Variants in SYT9 observed in about 807,000 individuals in gnomAD.
SYT9 encodes synaptotagmin 9.
Under a neutral mutation model 48.4 loss-of-function variants are expected in SYT9, and 22 were observed. That is an observed-to-expected ratio of 0.45 (90% CI 0.32 to 0.65). SYT9 has a LOEUF of 0.65. Among genes scored for constraint, SYT9 ranks in the 30% least tolerant of loss-of-function variants. The pLI, the probability that SYT9 is intolerant of heterozygous loss-of-function variation, is 0.03. For missense variants in SYT9, 577 were observed against 622.0 expected (o/e 0.93, Z 0.77); for synonymous variants, 265 against 245.0 (o/e 1.08, Z -0.76).
intron 3 of SYT9, among the ~76,000 whole-genome samples, chr11:7,400,125 C>A (rs943656941): frequency 5.3e-5 from 8 of 152,204 alleles, no homozygotes; most frequent in African/African-American, 1.7e-4. Context: ...AAAACACTTT[C>A]TTGCACAGCA....
intron 3 of SYT9, among the ~76,000 whole-genome samples, chr11:7,408,233 A>G (rs1031159710): frequency 3.9e-5 from 6 of 152,142 alleles, no homozygotes; most frequent in Admixed American, 6.5e-5. Context: ...GGTTCAAGCA[A>G]TTCTCCTGCC....
intron 3 of SYT9, among the ~76,000 whole-genome samples, chr11:7,348,504 A>C (rs1299113510): frequency 6.6e-6 from 1 of 152,052 alleles, no homozygotes; most frequent in Non-Finnish European, 1.5e-5. Context: ...CTTCACGTTT[A>C]ATGGAGGAAG....
At chr11:7,412,261 C>A (rs1847150719) in intron 3 of SYT9, among the ~76,000 whole-genome samples, 1 of 152,038 alleles carries the variant, frequency 6.6e-6, no homozygotes, top group African/African-American at 2.4e-5. Flanking sequence ...TTCATGTTTC[C>A]TGTGTCCTTA....
chr11:7,328,552 C>A (rs1393160170), intron 3 of SYT9, among the ~76,000 whole-genome samples: 2 of 152,100 alleles, frequency 1.3e-5, no homozygotes, highest in East Asian at 3.8e-4. Context: ...CCAGTTACCT[C>A]CATTCCAGAT....
At chr11:7,336,836 C>A (rs754963845) in intron 3 of SYT9, among the ~76,000 whole-genome samples, 1 of 152,036 alleles carries the variant, frequency 6.6e-6, no homozygotes, top group Non-Finnish European at 1.5e-5. Context: ...TATTCGAGCT[C>A]TTTTTGGTTC....
chr11:7,263,982 A>G (rs1469298589), intron 1 of SYT9, among the ~76,000 whole-genome samples: 1 of 152,136 alleles, frequency 6.6e-6, no homozygotes, highest in Non-Finnish European at 1.5e-5. Flanking sequence ...GATGTAGAGG[A>G]TTAAACTGCT....
chr11:7,251,023 T>C (rs575762167), upstream of SYT9, among the ~76,000 whole-genome samples: 10 of 152,132 alleles, frequency 6.6e-5, no homozygotes, highest in Non-Finnish European at 1.3e-4. Context: ...AAAATGAGGA[T>C]AACAATTACA....
chr11:7,370,656 T>G (rs980279053), intron 3 of SYT9, among the ~76,000 whole-genome samples: 27 of 152,218 alleles, frequency 1.8e-4, no homozygotes, highest in African/African-American at 6.0e-4. Context: ...AGAAAACACA[T>G]GCACAAGGAA....
chr11:7,322,774 G>T (rs553181290), intron 3 of SYT9, among the ~76,000 whole-genome samples: 1 of 152,198 alleles, frequency 6.6e-6, no homozygotes, highest in South Asian at 2.1e-4. Context: ...AACATTATCA[G>T]TCTCTTTGAA....
intron 1 of SYT9, among the ~76,000 whole-genome samples, chr11:7,268,885 T>C (rs1331019460): frequency 6.6e-6 from 1 of 152,098 alleles, no homozygotes; most frequent in Non-Finnish European, 1.5e-5. Flanking sequence ...ATCCATTCTC[T>C]GTTAATCCCT....
At chr11:7,268,447 TA>T (rs1295701177) in intron 1 of SYT9, among the ~76,000 whole-genome samples, 1 of 151,870 alleles carries the variant, frequency 6.6e-6, no homozygotes, top group African/African-American at 2.4e-5. Flanking sequence ...AAGACAATAG[TA>T]AAAAAATCTT....
chr11:7,378,572 G>C (rs1218748366), intron 3 of SYT9, among the ~76,000 whole-genome samples: 2 of 151,788 alleles, frequency 1.3e-5, no homozygotes, highest in Non-Finnish European at 2.9e-5. Context: ...GATGGAGATG[G>C]AAGAGGGATG....
At chr11:7,354,713 C>G (rs898249341) in intron 3 of SYT9, among the ~76,000 whole-genome samples, 1 of 152,092 alleles carries the variant, frequency 6.6e-6, no homozygotes, top group Non-Finnish European at 1.5e-5. Flanking sequence ...CAAGAAGCTT[C>G]TTATGTACTG....
At chr11:7,291,371 C>T (rs1362706432) in intron 1 of SYT9, among the ~76,000 whole-genome samples, 3 of 152,126 alleles carry the variant, frequency 2.0e-5, no homozygotes, top group Non-Finnish European at 4.4e-5. Context: ...CTCTAAAGGG[C>T]AGCACATATA....
chr11:7,277,705 A>G lies in SYT9; in HGVS notation c.146-25334A>G, dbSNP rs571606281. On this transcript the variant is annotated intron_variant, in intron 1 of 6. Coordinates refer to ENST00000318881, the MANE Select transcript of SYT9 (RefSeq NM_175733.4). ...GAAACTTAATGCTCTTTCCCTCAGC[A>G]TGCATGTAGGATCTGAATTTTCACT... is the stretch of plus-strand genomic sequence containing the variant. Among the ~76,000 whole-genome samples the G allele has an allele frequency of 8.5e-5, 13 of 152,354 alleles. No homozygotes were observed. In the South Asian group the frequency reaches 1.7e-3, roughly 19 times the overall value.
At chr11:7,299,817 A>C (rs1349759173) in intron 1 of SYT9, among the ~76,000 whole-genome samples, 1 of 152,188 alleles carries the variant, frequency 6.6e-6, no homozygotes, top group East Asian at 1.9e-4. Context: ...GTCAACTAAC[A>C]GGCTGGAGTT....
At chr11:7,385,516 A>G (rs1449710177) in intron 3 of SYT9, among the ~76,000 whole-genome samples, 3 of 152,072 alleles carry the variant, frequency 2.0e-5, no homozygotes, top group Non-Finnish European at 4.4e-5. Flanking sequence ...AGGCAAATGA[A>G]AAGAATCAGA....
intron 1 of SYT9, among the ~76,000 whole-genome samples, chr11:7,299,821 T>G (rs1282633765): frequency 6.6e-6 from 1 of 152,196 alleles, no homozygotes; most frequent in Non-Finnish European, 1.5e-5. Flanking sequence ...ACTAACAGGC[T>G]GGAGTTGTTC....
chr11:7,263,113 T>C (rs1848109905), intron 1 of SYT9, among the ~76,000 whole-genome samples: 1 of 152,128 alleles, frequency 6.6e-6, no homozygotes. Context: ...ATAGATGATA[T>C]TTAAAACCAA....
Sources: allele counts gnomAD v4.1 joint callset (sites outside exome capture counted in the v4.1 genomes callset), GRCh38; gene constraint gnomAD v4.1.1; transcripts MANE v1.5; gene names NCBI Gene and HGNC (gene_info 2026-07-23, HGNC 2026-07-21).